Variants in TMPRSS11A observed in about 807,000 individuals in gnomAD.
TMPRSS11A encodes the protein transmembrane protease serine 11A.
Under a neutral mutation model 58.9 loss-of-function variants are expected in TMPRSS11A, and 53 were observed. The ratio of observed to expected loss-of-function variants is 0.90; its 90% CI spans 0.72 to 1.13. TMPRSS11A has a LOEUF of 1.13. TMPRSS11A is among the 50% of genes most tolerant of loss of function. The pLI, the probability that TMPRSS11A is intolerant of heterozygous loss-of-function variation, is 0.00. For missense variants in TMPRSS11A, 493 were observed against 499.3 expected, an observed-to-expected ratio of 0.99 and a Z score of 0.12; for synonymous variants, 167 against 169.8, an observed-to-expected ratio of 0.98 and a Z score of 0.13.
At chr4:67,920,132 T>C (rs1435663353) in intron 7 of TMPRSS11A, among the ~76,000 whole-genome samples, 1 of 152,190 alleles carries the variant, frequency 6.6e-6, no homozygotes, top group East Asian at 1.9e-4. Flanking sequence ...GACTTCTAGC[T>C]TGTGGGCTTG....
At chr4:67,932,431 G>A (rs1477260927) in intron 3 of TMPRSS11A, among the ~76,000 whole-genome samples, 2 of 152,156 alleles carry the variant, frequency 1.3e-5, no homozygotes, top group Non-Finnish European at 2.9e-5. Flanking sequence ...TATTCAGAGA[G>A]GCTTTGAGTG....
intron 1 of TMPRSS11A, 74 bp from the exon 2 acceptor site, chr4:67,946,645 G>C: frequency 1.4e-6 from 2 of 1,449,642 alleles, no homozygotes; most frequent in Admixed American, 2.4e-5. Flanking sequence ...CCTTAGACAA[G>C]TTCAAGTTGC....
At chr4:67,942,094 C>T (rs2109758724) in intron 3 of TMPRSS11A, among the ~76,000 whole-genome samples, 1 of 152,046 alleles carries the variant, frequency 6.6e-6, no homozygotes, top group Admixed American at 6.5e-5. Context: ...AAATGAAAGT[C>T]CAAAAAGTTA....
At chr4:67,948,185 G>A (rs1283587242) in intron 1 of TMPRSS11A, among the ~76,000 whole-genome samples, 1 of 125,506 alleles carries the variant, frequency 8.0e-6, no homozygotes, top group Non-Finnish European at 1.5e-5. Context: ...GAGTCTCACT[G>A]TGTCATCCAG....
chr4:67,956,097 A>AG (rs1721282082), intron 1 of TMPRSS11A, among the ~76,000 whole-genome samples: 1 of 152,180 alleles, frequency 6.6e-6, no homozygotes, highest in African/African-American at 2.4e-5. Flanking sequence ...ATTGGTGATA[A>AG]TAAATACTAC....
intron 9 of TMPRSS11A, among the ~76,000 whole-genome samples, chr4:67,911,720 C>G (rs1450857128): frequency 6.6e-6 from 1 of 151,966 alleles, no homozygotes; most frequent in East Asian, 1.9e-4. Context: ...TTAGAGTAAA[C>G]AGCACTTAGT....
chr4:67,920,650 C>T (rs1720301577), intron 7 of TMPRSS11A, among the ~76,000 whole-genome samples: 1 of 149,406 alleles, frequency 6.7e-6, no homozygotes, highest in Admixed American at 6.7e-5. Context: ...TTTCAAAGTT[C>T]AGGGTTACAT....
chr4:67,961,520 T>C (rs1212612573), intron 1 of TMPRSS11A, among the ~76,000 whole-genome samples: 5 of 66,656 alleles, frequency 7.5e-5, no homozygotes, highest in African/African-American at 1.5e-4. Context: ...TTTTTTTTTT[T>C]TTTTTTTTTG....
Position 67,950,381 on chromosome 4 carries a change from G to A in TMPRSS11A, c.12-3810C>T, listed in dbSNP as rs369912833. 2.0e-5 allele frequency among the ~76,000 whole-genome samples: 3 copies of A among 152,330 alleles called. No individual in the cohort carries two copies. In the South Asian group the frequency reaches 6.2e-4, roughly 32 times the overall value. ...ATCTCCTTCTTCAAAGCCAGCAGTG[G>A]AGAATTTCCCTCACATCAAATCTCT... On this transcript the variant is annotated intron_variant, in intron 1 of 9. Coordinates refer to ENST00000508048, the MANE Select transcript of TMPRSS11A (RefSeq NM_001114387.2).
intron 3 of TMPRSS11A, among the ~76,000 whole-genome samples, chr4:67,939,729 C>G (rs1400651935): frequency 6.6e-6 from 1 of 152,142 alleles, no homozygotes; most frequent in East Asian, 1.9e-4. Context: ...TGCTCTGTCA[C>G]CCAGGCTGGA....
intron 8 of TMPRSS11A, among the ~76,000 whole-genome samples, chr4:67,917,353 ATT>A (rs1720186068): frequency 1.3e-5 from 2 of 151,942 alleles, no homozygotes; most frequent in Non-Finnish European, 2.9e-5. Flanking sequence ...TCTTCGAGAT[ATT>A]CTCTTTATTT....
chr4:67,946,587 GC>G lies in TMPRSS11A; in HGVS notation c.12-17del, dbSNP rs752172433. 2.4e-5 allele frequency: 39 copies of G among 1,602,852 alleles called. No homozygotes were observed. In the South Asian group the frequency reaches 3.5e-4, roughly 14 times the overall value. ...TCCCACTGTCCTGAGAAAAGGAAGG[GC>G]CCACTGGTTACTCTCAGATAGCAAT... On this transcript the variant is annotated splice_polypyrimidine_tract_variant and intron_variant, in intron 1 of 9. Coordinates refer to ENST00000508048, the MANE Select transcript of TMPRSS11A (RefSeq NM_001114387.2).
chr4:67,944,673 T>A (rs200923084), intron 2 of TMPRSS11A, 36 bp from the exon 3 acceptor site: 2 of 1,591,266 alleles, frequency 1.3e-6, no homozygotes, highest in African/African-American at 1.4e-5. Context: ...ACTAAATGGT[T>A]TGGACAAAGA....
At chr4:67,929,775 T>C in intron 5 of TMPRSS11A, 105 bp downstream of exon 5, 1 of 1,086,598 alleles carries the variant, frequency 9.2e-7, no homozygotes. Context: ...TTCATCTGAA[T>C]TCTAGCTATT....
chr4:67,921,646 G>T (rs1181764077), intron 7 of TMPRSS11A, among the ~76,000 whole-genome samples: 1 of 152,150 alleles, frequency 6.6e-6, no homozygotes, highest in East Asian at 1.9e-4. Flanking sequence ...AATATTAAGA[G>T]TCTCTATAAA....
At chr4:67,949,542 T>C (rs1466885250) in intron 1 of TMPRSS11A, among the ~76,000 whole-genome samples, 1 of 152,174 alleles carries the variant, frequency 6.6e-6, no homozygotes, top group Non-Finnish European at 1.5e-5. Context: ...TTTATGAATA[T>C]AAACAAGGAA....
At chr4:67,954,654 G>A (rs572614304) in intron 1 of TMPRSS11A, among the ~76,000 whole-genome samples, 1 of 152,318 alleles carries the variant, frequency 6.6e-6, no homozygotes, top group South Asian at 2.1e-4. Flanking sequence ...TAATGATAGA[G>A]CATAGTCACA....
At position 67,910,669 on chromosome 4, in the gene TMPRSS11A, A is replaced by T. The variant is rs1182471073; in HGVS notation, c.*673T>A. Reference sequence around the variant, plus strand: ...TAATTCATTAATCGGGATTTTTCTGATTATATCTGTAGGATAAGAATATCT... The same window carrying T: ...TAATTCATTAATCGGGATTTTTCTGTTTATATCTGTAGGATAAGAATATCT... On this transcript the variant is annotated 3_prime_UTR_variant, in exon 10 of 10. Coordinates refer to ENST00000508048, the MANE Select transcript of TMPRSS11A (RefSeq NM_001114387.2). The T allele has an allele frequency of 6.6e-6, 1 of 151,944 alleles. No individual in the cohort carries two copies. Among genetic ancestry groups the T allele is most frequent in the African/African-American group, 2.4e-5 (1 of 41,406 alleles). The allele number at this position is 151,944 out of a possible 1,614,324, so 9.4% of individuals were successfully genotyped here.
rs67302217 is a variant in TMPRSS11A at position 67,930,808 on chromosome 4, CTTT to C, written c.321-771_321-769del. ...AATATATATTGATCTGTTATCTCTC[CTTT>C]TTTTTTTTTTTTTTTTTTACAAAAA... On this transcript the variant is annotated intron_variant, in intron 4 of 9. Transcript: ENST00000508048. Among the ~76,000 whole-genome samples the C allele has an allele frequency of 4.6e-3, 235 of 51,182 alleles. 3 individuals carry two copies. In the East Asian group the frequency reaches 0.06, roughly 13 times the overall value. The allele number at this position is 51,182 out of a possible 152,430, so 33.6% of individuals were successfully genotyped here. A position where few individuals can be genotyped will look rare whatever the true frequency, so the allele number is the denominator to read the frequency against.
Sources: allele counts gnomAD v4.1 joint callset (sites outside exome capture counted in the v4.1 genomes callset), GRCh38; gene constraint gnomAD v4.1.1; transcripts MANE v1.5; gene names NCBI Gene and HGNC (gene_info 2026-07-23, HGNC 2026-07-21).